PCDH15: variants seen among roughly 807,000 people sequenced by gnomAD.
PCDH15 encodes protocadherin related 15.
In PCDH15, 129 loss-of-function variants were observed where a neutral mutation model predicts 178.5. The ratio of observed to expected loss-of-function variants is 0.72; its 90% CI spans 0.63 to 0.84. The LOEUF (loss-of-function observed/expected upper bound fraction) is 0.84. PCDH15 is among the 40% of genes least tolerant of loss of function. The pLI is 0.00. For missense variants in PCDH15, 2,230 were observed against 2,099.9 expected, an observed-to-expected ratio of 1.06 and a Z score of -1.21; for synonymous variants, 800 against 732.0, an observed-to-expected ratio of 1.09 and a Z score of -1.50.
intron 1 of PCDH15, among the ~76,000 whole-genome samples, chr10:54,779,049 A>G (rs769416583): frequency 3.9e-5 from 6 of 152,074 alleles, no homozygotes; most frequent in Non-Finnish European, 8.8e-5. Context: ...CCTCTAATTC[A>G]GGAGAGAGAT....
intron 2 of PCDH15, among the ~76,000 whole-genome samples, chr10:55,002,310 A>C (rs1839812613): frequency 6.6e-6 from 1 of 152,220 alleles, no homozygotes. Context: ...CTTAAAGTGA[A>C]AGATTATTTA....
intron 3 of PCDH15, among the ~76,000 whole-genome samples, chr10:54,476,796 G>A (rs1212612698): frequency 6.6e-6 from 1 of 152,038 alleles, no homozygotes; most frequent in Admixed American, 6.6e-5. Context: ...ATCTATGAAT[G>A]AACAAGCATA....
chr10:54,392,408 G>C (rs980539277), intron 3 of PCDH15, among the ~76,000 whole-genome samples: 4 of 127,744 alleles, frequency 3.1e-5, no homozygotes, highest in African/African-American at 1.1e-4. Context: ...CTATGTTGCA[G>C]TCAGGCTAGA....
At chr10:54,028,514 G>A (rs142669755) in intron 18 of PCDH15, among the ~76,000 whole-genome samples, 26,658 of 148,910 alleles carry the variant, frequency 0.18, 2,804 homozygotes, top group Non-Finnish European at 0.24. Context: ...CATTATTCAC[G>A]ATAGCAAAGT....
intron 2 of PCDH15, among the ~76,000 whole-genome samples, chr10:55,596,839 A>G (rs1842944573): frequency 6.6e-6 from 1 of 151,912 alleles, no homozygotes; most frequent in Non-Finnish European, 1.5e-5. Context: ...AAATCTTTTA[A>G]CTATGATAAT....
rs947848270 is a variant in PCDH15 at position 54,897,852 on chromosome 10, T to C, written c.-79-352A>G. Among the ~76,000 whole-genome samples, 12 of 152,152 alleles carry C rather than the reference T, an allele frequency of 7.9e-5. No homozygotes were observed. In the South Asian group the frequency reaches 2.5e-3, roughly 32 times the overall value. ...AGGCATATTGTGTTTGGATTTGATA[T>C]GCTAGATATTTTACCTAAAACTGAG... On this transcript the variant is annotated intron_variant, in intron 2 of 5. Coordinates refer to the PCDH15 transcript ENST00000458638.
At chr10:54,460,852 A>G (rs1375916762) in intron 3 of PCDH15, among the ~76,000 whole-genome samples, 2 of 152,126 alleles carry the variant, frequency 1.3e-5, no homozygotes, top group Non-Finnish European at 2.9e-5. Flanking sequence ...AACGTGGGAG[A>G]GTGTTAAATA....
chr10:54,769,699 A>T (rs1353977115), intron 1 of PCDH15, among the ~76,000 whole-genome samples: 3 of 151,972 alleles, frequency 2.0e-5, no homozygotes, highest in Non-Finnish European at 4.4e-5. Context: ...GTTGTGACAA[A>T]GTTTCTAGAA....
chr10:54,051,461 G>T (rs546035023), intron 18 of PCDH15, among the ~76,000 whole-genome samples: 1 of 152,134 alleles, frequency 6.6e-6, no homozygotes, highest in Non-Finnish European at 1.5e-5. Flanking sequence ...TGGGGAACTC[G>T]TTGGGAAATA....
chr10:55,159,775 C>T (rs1051229996), intron 2 of PCDH15, among the ~76,000 whole-genome samples: 1 of 146,736 alleles, frequency 6.8e-6, no homozygotes, highest in Non-Finnish European at 1.5e-5. Flanking sequence ...TGTGTAAGTA[C>T]ATATTAAGAG....
At chr10:54,756,322 AT>A (rs1211432946) in intron 1 of PCDH15, among the ~76,000 whole-genome samples, 28 of 152,244 alleles carry the variant, frequency 1.8e-4, no homozygotes, top group Non-Finnish European at 3.1e-4. Flanking sequence ...AAGCTATCTT[AT>A]TACTGACGTG....
At chr10:55,159,388 T>TATACAC (rs1465817928) in intron 2 of PCDH15, among the ~76,000 whole-genome samples, 63 of 19,328 alleles carry the variant, frequency 3.3e-3, no homozygotes, top group Admixed American at 0.023. Flanking sequence ...TATATATATA[T>TATACAC]ACACACATAC....
intron 1 of PCDH15, among the ~76,000 whole-genome samples, chr10:54,745,871 A>G (rs946272225): frequency 1.3e-5 from 2 of 152,200 alleles, no homozygotes; most frequent in African/African-American, 4.8e-5. Flanking sequence ...CAAGAATTTT[A>G]GAAAAGAATA....
intron 3 of PCDH15, among the ~76,000 whole-genome samples, chr10:54,833,943 A>AT (rs1953268620): frequency 6.6e-6 from 1 of 152,074 alleles, no homozygotes; most frequent in African/African-American, 2.4e-5. Context: ...GGACTAAAAT[A>AT]TTTTAATATT....
intron 3 of PCDH15, among the ~76,000 whole-genome samples, chr10:54,465,578 A>AT (rs1276628131): frequency 6.6e-6 from 1 of 151,998 alleles, no homozygotes; most frequent in Non-Finnish European, 1.5e-5. Context: ...TATTTCATGC[A>AT]TTTTTATGGC....
At chr10:53,846,756 A>G (rs1045846219) in intron 28 of PCDH15, among the ~76,000 whole-genome samples, 1 of 152,034 alleles carries the variant, frequency 6.6e-6, no homozygotes, top group Non-Finnish European at 1.5e-5. Flanking sequence ...GTTTACTGAT[A>G]GTTTTATAGC....
rs1322759171 is a variant in PCDH15 at position 54,022,893 on chromosome 10, T to C, written c.2525A>G (p.Glu842Gly). 1.2e-6 allele frequency: 2 copies of C among 1,613,750 alleles called. No homozygotes were observed. Among genetic ancestry groups the C allele is most frequent in the Non-Finnish European group, 1.7e-6 (2 of 1,179,710 alleles). The change falls in exon 19 of 38, where the codon GAG becomes GGG. Residue 842 changes from glutamate to glycine, a missense_variant and splice_region_variant. Transcript: ENST00000644397. ...TAATAAATGCTTTTTCCCACACACC[T>C]CTATTTGAAGGATGGTAGTCCCAGC... ...LPAGTTILQI[E>G]AKDVDLGANV... is the part of the protein sequence containing the mutation.
At chr10:54,975,181 T>G (rs927854417) in intron 2 of PCDH15, among the ~76,000 whole-genome samples, 2 of 152,218 alleles carry the variant, frequency 1.3e-5, no homozygotes, top group African/African-American at 4.8e-5. Context: ...ATATCTTGAT[T>G]ATTTGAGAAA....
At position 55,605,285 on chromosome 10, in the gene PCDH15, A is replaced by G. The variant is rs910445535; in HGVS notation, c.-156+22340T>C. Among the ~76,000 whole-genome samples, 134 of 152,316 alleles carry G rather than the reference A, an allele frequency of 8.8e-4. 2 individuals carry two copies. Among genetic ancestry groups the G allele is most frequent in the African/African-American group, 3.1e-3 (127 of 41,580 alleles). On this transcript the variant is annotated intron_variant, in intron 2 of 5. Coordinates refer to the PCDH15 transcript ENST00000613346. The stretch of plus-strand genomic sequence containing the variant: ...TACCAACCAAAAAGAGTCCAGGACC[A>G]GATGGATTCACAGTCGAATTCTACC...
Sources: gnomAD v4.1 joint callset for allele counts (sites outside exome capture counted in the v4.1 genomes callset) on GRCh38, gnomAD v4.1.1 for gene constraint, MANE v1.5 for transcripts, NCBI Gene and HGNC (gene_info 2026-07-23, HGNC 2026-07-21) for gene names.